PSMD12: variants seen among roughly 807,000 people sequenced by gnomAD.
The protein encoded by PSMD12 is 26S proteasome non-ATPase regulatory subunit 12.
In PSMD12, 8 loss-of-function variants were observed where a neutral mutation model predicts 62.9. That is an observed-to-expected ratio of 0.13 (90% CI 0.07 to 0.23). PSMD12 has a LOEUF of 0.23. Among genes scored for constraint, PSMD12 ranks in the 10% least tolerant of loss-of-function variants. The probability of loss-of-function intolerance (pLI) is 1.00; values close to 1 mark genes in which losing one functional copy is unlikely to be tolerated. For synonymous variants in PSMD12, 173 were observed against 187.4 expected, an observed-to-expected ratio of 0.92 and a Z score of 0.63; for missense variants, 424 against 550.2, an observed-to-expected ratio of 0.77 and a Z score of 2.29.
chr17:67,351,218 C>T (rs578042555), intron 3 of PSMD12, among the ~76,000 whole-genome samples: 2 of 151,798 alleles, frequency 1.3e-5, no homozygotes, highest in African/African-American at 4.8e-5. Flanking sequence ...GGTGAAACCC[C>T]GTCTCTACTA....
At position 67,366,155 on chromosome 17, in the gene PSMD12, A is replaced by G. The variant is rs16960830; in HGVS notation, c.108+257T>C. On this transcript the variant is annotated intron_variant, in intron 1 of 10. Coordinates refer to ENST00000356126, the MANE Select transcript of PSMD12 (RefSeq NM_002816.5). ...TAAACAGCATCCAAGAAACGGCAAA[A>G]AGTTAAACGGAGCCCTAAGTCCCAC... Among the ~76,000 whole-genome samples the G allele has an allele frequency of 8.3e-3, 1,271 of 152,230 alleles. 19 individuals are homozygous for G. The highest frequency in any genetic ancestry group is 0.028 in the African/African-American group (1,181 of 41,532).
chr17:67,347,744 C>T (rs7224787), intron 5 of PSMD12, among the ~76,000 whole-genome samples: 106,220 of 152,028 alleles, frequency 0.7, 37,216 homozygotes, highest in Middle Eastern at 0.82. Context: ...ACAATGAAGA[C>T]ACAGAACCCC....
chr17:67,356,645 G>A (rs1006942938), intron 3 of PSMD12, among the ~76,000 whole-genome samples: 2 of 148,724 alleles, frequency 1.3e-5, no homozygotes, highest in South Asian at 2.2e-4. Context: ...AAAAAGATGT[G>A]CTTAATAAAA....
At chr17:67,341,841 C>T (rs539734387) in intron 10 of PSMD12, among the ~76,000 whole-genome samples, 1 of 152,166 alleles carries the variant, frequency 6.6e-6, no homozygotes, top group South Asian at 2.1e-4. Context: ...AGGAACAAAC[C>T]TTCCAACTCT....
intron 3 of PSMD12, among the ~76,000 whole-genome samples, chr17:67,356,430 C>T (rs182580976): frequency 0.048 from 7,154 of 149,170 alleles, 547 homozygotes; most frequent in African/African-American, 0.16. Context: ...TGGTAGCGGG[C>T]GCCTGTAGTC....
chr17:67,355,947 G>A (rs1339479226), intron 3 of PSMD12, among the ~76,000 whole-genome samples: 2 of 150,494 alleles, frequency 1.3e-5, no homozygotes, highest in Non-Finnish European at 1.5e-5. Flanking sequence ...GGGTAATGTA[G>A]TGAGACCCAA....
intron 7 of PSMD12, among the ~76,000 whole-genome samples, chr17:67,346,531 C>T (rs1477659136): frequency 6.6e-6 from 1 of 152,162 alleles, no homozygotes; most frequent in Non-Finnish European, 1.5e-5. Context: ...TGCCACTGCA[C>T]TCCAGCCTGG....
chr17:67,344,561 C>G, intron 9 of PSMD12, 45 bp downstream of exon 9: 1 of 1,455,418 alleles, frequency 6.9e-7, no homozygotes, highest in Middle Eastern at 1.8e-4. Flanking sequence ...AGTAAATTCA[C>G]TAAAGGTTAA....
intron 9 of PSMD12, among the ~76,000 whole-genome samples, chr17:67,343,133 G>T (rs2041931246): frequency 6.6e-6 from 1 of 151,996 alleles, no homozygotes; most frequent in African/African-American, 2.4e-5. Context: ...AAAAGGTGGG[G>T]GAACAGTGGG....
intron 1 of PSMD12, among the ~76,000 whole-genome samples, chr17:67,358,892 C>T (rs544203756): frequency 2.6e-5 from 4 of 152,290 alleles, no homozygotes; most frequent in South Asian, 2.1e-4. Context: ...CTCCACATCT[C>T]TAACTCAGAT....
At chr17:67,358,296 A>T (rs1003432352) in intron 1 of PSMD12, among the ~76,000 whole-genome samples, 1 of 152,090 alleles carries the variant, frequency 6.6e-6, no homozygotes, top group African/African-American at 2.4e-5. Flanking sequence ...GGCCAGGTGC[A>T]GTGGCTCATG....
At position 67,340,133 on chromosome 17, in the gene PSMD12, C is replaced by T. The variant is rs985805262; in HGVS notation, c.*710G>A. On this transcript the variant is annotated 3_prime_UTR_variant, in exon 11 of 11. Coordinates refer to ENST00000356126, the MANE Select transcript of PSMD12 (RefSeq NM_002816.5). ...AAAAGTAGTCACTATCCCTATAGAG[C>T]GGACTTAACACCCAATAAACTGTGT... 4.2e-5 allele frequency: 6 copies of T among 143,192 alleles called. No individual in the cohort carries two copies. In the Admixed American group the frequency reaches 4.2e-4, roughly 10 times the overall value. 8.9% of individuals were successfully genotyped at this position (143,192 alleles called of 1,614,324 possible).
intron 1 of PSMD12, among the ~76,000 whole-genome samples, chr17:67,364,061 TAAAA>T (rs1008461945): frequency 3.3e-5 from 5 of 150,196 alleles, no homozygotes; most frequent in Non-Finnish European, 7.4e-5. Context: ...AAACAAAAAA[TAAAA>T]AAAATAAATA....
Position 67,342,245 on chromosome 17 carries a change from T to C in PSMD12, c.1102A>G (p.Lys368Glu), listed in dbSNP as rs772659032. 5 of 1,581,266 alleles carry C rather than the reference T, an allele frequency of 3.2e-6. No individual in the cohort carries two copies. The highest frequency in any genetic ancestry group is 4.3e-6 in the Non-Finnish European group (5 of 1,150,732). Residue 368 changes from lysine to glutamate, a missense_variant, in exon 10 of 11, where the codon AAG (lysine) becomes GAG (glutamate). Physicochemically the swap from Lys to Glu is moderately conservative, Grantham distance 56. Coordinates refer to ENST00000356126, the MANE Select transcript of PSMD12 (RefSeq NM_002816.5). ...TTCATTGTTATCCGAGTATAATACT[T>C]GGCCATTATTCTAATATTCTGGGGA... ...VVEHNIRIMA[K>E]YYTRITMKRM...
intron 8 of PSMD12, 120 bp from the exon 9 acceptor site, chr17:67,344,900 G>C (rs1351668348): frequency 1.3e-6 from 1 of 799,370 alleles, no homozygotes; most frequent in East Asian, 2.7e-5. Flanking sequence ...TTAGTAGAAT[G>C]AGACACCATA....
At chr17:67,346,064 C>A (rs756590713) in intron 7 of PSMD12, among the ~76,000 whole-genome samples, 1 of 151,718 alleles carries the variant, frequency 6.6e-6, no homozygotes, top group Admixed American at 6.6e-5. Context: ...CTGGCTAACA[C>A]AGTGAAACCC....
chr17:67,340,769 C>A lies in PSMD12; in HGVS notation c.*74G>T. On this transcript the variant is annotated 3_prime_UTR_variant, in exon 11 of 11. Coordinates refer to ENST00000356126, the MANE Select transcript of PSMD12 (RefSeq NM_002816.5). ...ACAAAGAAGCTTAGAAAAAAAACCC[C>A]AACATATACACCATTATAACAGTCT... 8.2e-7 allele frequency: 1 copy of A among 1,216,080 alleles called. No homozygotes were observed. Among genetic ancestry groups the A allele is most frequent in the East Asian group, 2.9e-5 (1 of 34,622 alleles). The allele number at this position is 1,216,080 out of a possible 1,614,324, so 75.3% of individuals were successfully genotyped here. A position where few individuals can be genotyped will look rare whatever the true frequency, so the allele number is the denominator to read the frequency against.
At position 67,344,614 on chromosome 17, in the gene PSMD12, C is replaced by G. The variant is rs762995996; in HGVS notation, c.1075G>C (p.Val359Leu). ...CTATGACAGATTCTTACATGTTCAA[C>G]AACTCTGTTCTTCAAGTCTTTCCAC... ...KRWKDLKNRV[V>L]EHNIRIMAKY... Residue 359 changes from valine (V) to leucine (L), a missense_variant, in exon 9 of 11, where the codon GTT (valine) becomes CTT (leucine). By Grantham distance (32) the Val-to-Leu change is conservative. Coordinates refer to ENST00000356126, the MANE Select transcript of PSMD12 (RefSeq NM_002816.5). 17 of 1,605,178 alleles carry G rather than the reference C, an allele frequency of 1.1e-5. No homozygotes were observed. The highest frequency in any genetic ancestry group is 8.5e-5 in the Admixed American group (5 of 58,772).
At chr17:67,356,536 C>T (rs1399680619) in intron 3 of PSMD12, among the ~76,000 whole-genome samples, 2 of 92,040 alleles carry the variant, frequency 2.2e-5, no homozygotes, top group South Asian at 4.3e-4. Flanking sequence ...CCAGCCTGGG[C>T]GACAGAGCGA....
Sources: allele counts gnomAD v4.1 joint callset (sites outside exome capture counted in the v4.1 genomes callset), GRCh38; gene constraint gnomAD v4.1.1; transcripts MANE v1.5; gene names NCBI Gene and HGNC (gene_info 2026-07-23, HGNC 2026-07-21).